CITED2: variants seen among roughly 807,000 people sequenced by gnomAD.
The protein encoded by CITED2 is cbp/p300-interacting transactivator 2.
Under a neutral mutation model 11.8 loss-of-function variants are expected in CITED2, and 2 were observed. That is an observed-to-expected ratio of 0.17 (90% CI 0.07 to 0.54). CITED2 has a LOEUF of 0.54. Ranked by LOEUF, CITED2 falls within the 20% of genes least tolerant of loss-of-function variation. CITED2 has a pLI of 0.94. For missense variants in CITED2, 437 were observed against 390.2 expected (o/e 1.12, Z -1.01); for synonymous variants, 210 against 153.0 (o/e 1.37, Z -2.75).
At position 139,371,823 on chromosome 6, in the gene CITED2, T is replaced by C. The variant is rs1778246345; in HGVS notation, c.*1309A>G. ...CACTGGAGATAAAGGTAGATTTATA[T>C]TTAATGCCACCCATCAATCAATCAG... On this transcript the variant is annotated 3_prime_UTR_variant, in exon 2 of 2. Transcript: ENST00000367651. 6.6e-6 allele frequency: 1 copy of C among 152,196 alleles called. No homozygotes were observed. Among genetic ancestry groups the C allele is most frequent in the Non-Finnish European group, 1.5e-5 (1 of 68,022 alleles). The allele number at this position is 152,196 out of a possible 1,614,324, so 9.4% of individuals were successfully genotyped here. A position where few individuals can be genotyped will look rare whatever the true frequency, so the allele number is the denominator to read the frequency against.
In CITED2 at chr6:139,373,373, TTGCTGC is replaced by T; in HGVS notation, c.566_571del (p.Ser189_Ser190del). ...GCCGCTGCCGCTGCCGCCGCCGCTG[TTGCTGC>T]TGCCCGCGCCGCCGCCCGAGCTGCT... On this transcript the variant is annotated inframe_deletion, in exon 2 of 2. Transcript: ENST00000367651. 2 of 1,588,898 alleles carry T rather than the reference TTGCTGC, an allele frequency of 1.3e-6. No individual in the cohort carries two copies. The highest frequency in any genetic ancestry group is 1.7e-6 in the Non-Finnish European group (2 of 1,169,344).
Position 139,373,386 on chromosome 6 carries a change from C to T in CITED2, c.559G>A (p.Ala187Thr). The T allele has an allele frequency of 1.3e-6, 2 of 1,568,526 alleles. No individual in the cohort carries two copies. Among genetic ancestry groups the T allele is most frequent in the East Asian group, 2.4e-5 (1 of 41,884 alleles). Residue 187 changes from alanine to threonine, a missense_variant, in exon 2 of 2, where the codon GCG (alanine) becomes ACG (threonine). This residue lies in a region of CITED2 where 396 missense variants were observed against 325.2 expected (regional missense o/e 1.22). Transcript: ENST00000367651. ...CCGCCGCCGCTGTTGCTGCTGCCCG[C>T]GCCGCCGCCCGAGCTGCTGCCAGAG... is the stretch of plus-strand genomic sequence containing the variant. Reference protein sequence around the residue: ...GGSGSSSGGGAGSSNSGGGSG... With the variant: ...GGSGSSSGGGTGSSNSGGGSG...
chr6:139,373,618 G>C lies in CITED2; in HGVS notation c.327C>G (p.Ser109=). 1 of 1,613,988 alleles carries C rather than the reference G, an allele frequency of 6.2e-7. No homozygotes were observed. The highest frequency in any genetic ancestry group is 8.5e-7 in the Non-Finnish European group (1 of 1,179,942). ...TCTGCAGCTGCATGCTGGCCGGCAGGGAGCCTCCCTGGCTGGCCACCGGGG... is the reference window on the plus strand; with the variant it reads ...TCTGCAGCTGCATGCTGGCCGGCAGCGAGCCTCCCTGGCTGGCCACCGGGG... The part of the protein sequence containing the change: ...MGPPVASQGG[S]LPASMQLQKL... The change falls in exon 2 of 2, where the codon TCC becomes TCG. Residue 109 remains serine (S), a synonymous_variant. Transcript: ENST00000367651.
At position 139,373,864 on chromosome 6, in the gene CITED2, G is replaced by A. The variant is rs142329030; in HGVS notation, c.81C>T (p.Arg27=). 1 of 1,603,422 alleles carries A rather than the reference G, an allele frequency of 6.2e-7. No homozygotes were observed. Among genetic ancestry groups the A allele is most frequent in the African/African-American group, 1.3e-5 (1 of 75,040 alleles). The change falls in exon 2 of 2, where the codon CGC becomes CGT. Residue 27 remains arginine, a synonymous_variant. Transcript: ENST00000367651. ...GGCTCGGGAACTGCCCCATGCCCATGCGGTGGGCAGGGTGATGGTGCAGCC... is the reference window on the plus strand; with the variant it reads ...GGCTCGGGAACTGCCCCATGCCCATACGGTGGGCAGGGTGATGGTGCAGCC... The part of the protein sequence containing the change: ...TNGLHHHPAH[R]MGMGQFPSPH...
chr6:139,372,967 A>T lies in CITED2; in HGVS notation c.*165T>A, dbSNP rs1257766173. 8.0e-6 allele frequency: 6 copies of T among 749,926 alleles called. No homozygotes were observed. Among genetic ancestry groups the T allele is most frequent in the East Asian group, 5.3e-5 (2 of 37,492 alleles). 46.5% of individuals were successfully genotyped at this position (749,926 alleles called of 1,614,324 possible). On this transcript the variant is annotated 3_prime_UTR_variant, in exon 2 of 2. Transcript: ENST00000367651. ...AAAACAGGAAAAAAAAGTGGCAGCA[A>T]TTTTTTTTAAAACCAATTTGTACAA...
In CITED2 at chr6:139,372,910, T is replaced by A; in HGVS notation, c.*222A>T. On this transcript the variant is annotated 3_prime_UTR_variant, in exon 2 of 2. Coordinates refer to ENST00000367651, the MANE Select transcript of CITED2 (RefSeq NM_006079.5). ...AGATATTTCAACTACATAAGGGAGG[T>A]GGGTGAATGTCAAGGCTACAAAAAC... is the stretch of plus-strand genomic sequence containing the variant. 5.1e-6 allele frequency: 3 copies of A among 590,356 alleles called. No homozygotes were observed. Among genetic ancestry groups the A allele is most frequent in the East Asian group, 2.9e-5 (1 of 34,678 alleles). 36.6% of individuals were successfully genotyped at this position (590,356 alleles called of 1,614,324 possible). A position where few individuals can be genotyped will look rare whatever the true frequency, so the allele number is the denominator to read the frequency against.
In CITED2 at chr6:139,373,343, ATGTTGCCGCTGCCGCTGCCGCCGCCGC is replaced by A. The variant is rs775934357; in HGVS notation, c.575_601del (p.Ser192_Asn200del). The A allele has an allele frequency of 5.0e-6, 8 of 1,598,208 alleles. No individual in the cohort carries two copies. Among genetic ancestry groups the A allele is most frequent in the African/African-American group, 1.4e-5 (1 of 73,642 alleles). ...GGGGACGTGGGCCACGGAGGCGGGCATGTTGCCGCTGCCGCTGCCGCCGCCGCTGTTGCTGCTGCCCGCGCCGCCGCC... is the reference window on the plus strand; with the variant it reads ...GGGGACGTGGGCCACGGAGGCGGGCATGTTGCTGCTGCCCGCGCCGCCGCC... On this transcript the variant is annotated inframe_deletion, in exon 2 of 2. Coordinates refer to ENST00000367651, the MANE Select transcript of CITED2 (RefSeq NM_006079.5).
In CITED2 at chr6:139,373,938, C is replaced by G. The variant is rs1181572338; in HGVS notation, c.7G>C (p.Asp3His). MA[D>H]HMMAMNHGRF... ...CCGTGGTTCATGGCCATCATATGGT[C>G]TGCCATTTCCAGTCCTGGAAGTGAA... Residue 3 changes from aspartate to histidine, a missense_variant, in exon 2 of 2, where the codon GAC becomes CAC. Coordinates refer to ENST00000367651, the MANE Select transcript of CITED2 (RefSeq NM_006079.5). 6.3e-7 allele frequency: 1 copy of G among 1,598,584 alleles called. No homozygotes were observed. Among genetic ancestry groups the G allele is most frequent in the East Asian group, 2.2e-5 (1 of 44,856 alleles).
chr6:139,374,102 C>T, intron 1 of CITED2, 150 bp from the exon 2 acceptor site: 1 of 1,506,032 alleles, frequency 6.6e-7, no homozygotes, highest in Non-Finnish European at 8.9e-7. Flanking sequence ...ACAGCCTGTG[C>T]ACCCGGGCTA....
At chr6:139,374,071 A>G (rs1778325222) in intron 1 of CITED2, 119 bp from the exon 2 acceptor site, 1 of 1,523,386 alleles carries the variant, frequency 6.6e-7, no homozygotes, top group African/African-American at 1.4e-5. Context: ...GCTGCGAACC[A>G]CCACCCCCAA....
Position 139,374,496 on chromosome 6 carries a change from C to G in CITED2, c.-92G>C, listed in dbSNP as rs1473069341. 6 of 256,006 alleles carry G rather than the reference C, an allele frequency of 2.3e-5. No individual in the cohort carries two copies. The highest frequency in any genetic ancestry group is 1.6e-4 in the Admixed American group (3 of 18,932). The allele number at this position is 256,006 out of a possible 1,614,324, so 15.9% of individuals were successfully genotyped here. A position where few individuals can be genotyped will look rare whatever the true frequency, so the allele number is the denominator to read the frequency against. On this transcript the variant is annotated 5_prime_UTR_variant, in exon 1 of 2. Coordinates refer to ENST00000367651, the MANE Select transcript of CITED2 (RefSeq NM_006079.5). ...CGGCTCAGCAGCACATAGAGGGGAC[C>G]TTCCTGGCGTGCAAAGCGCTTCGCT...
rs773975179 is a variant in CITED2, at chr6:139,373,109, C to T, written c.*23G>A. On this transcript the variant is annotated 3_prime_UTR_variant, in exon 2 of 2. Transcript: ENST00000367651. ...GCCGAAGAAGTTGGGGGTTTGATTTCTTTCGCCGGGGTTTCGATCGAGTCA... is the reference window on the plus strand; with the variant it reads ...GCCGAAGAAGTTGGGGGTTTGATTTTTTTCGCCGGGGTTTCGATCGAGTCA... 2 of 1,607,968 alleles carry T rather than the reference C, an allele frequency of 1.2e-6. No homozygotes were observed. The highest frequency in any genetic ancestry group is 1.7e-6 in the Non-Finnish European group (2 of 1,174,448).
At position 139,373,468 on chromosome 6, in the gene CITED2, C is replaced by T. The variant is rs1232686892; in HGVS notation, c.477G>A (p.Lys159=). 9 of 1,599,386 alleles carry T rather than the reference C, an allele frequency of 5.6e-6. No homozygotes were observed. The highest frequency in any genetic ancestry group is 6.8e-6 in the Non-Finnish European group (8 of 1,172,098). ...TNQHFRDCNP[K]HSGGSSTPGG... ...CGGGGGTGCTGCTGCCGCCGCTGTG[C>T]TTGGGGTTGCAATCTCGGAAGTGCT... The change falls in exon 2 of 2, where the codon AAG becomes AAA. Residue 159 remains lysine (K), a synonymous_variant. Transcript: ENST00000367651.
rs761568919 is a variant in CITED2 at position 139,373,670 on chromosome 6, C to T, written c.275G>A (p.Arg92Lys). ...ACCCATGAACTGGGAGTTGTTAAAC[C>T]TGGCCGCGGGGGCCAGCGCGCTCGG... ...HPPSALAPAA[R>K]FNNSQFMGPP... Residue 92 changes from arginine to lysine, a missense_variant, in exon 2 of 2, where the codon AGG becomes AAG. By Grantham distance (26) the Arg-to-Lys change is conservative. Coordinates refer to ENST00000367651, the MANE Select transcript of CITED2 (RefSeq NM_006079.5). 2 of 1,612,834 alleles carry T rather than the reference C, an allele frequency of 1.2e-6. No homozygotes were observed. The highest frequency in any genetic ancestry group is 1.1e-5 in the South Asian group (1 of 91,046).
In CITED2 at chr6:139,373,849, C is replaced by G. The variant is rs781381009; in HGVS notation, c.96G>C (p.Gln32His). The change falls in exon 2 of 2, where the codon CAG (glutamine) becomes CAC (histidine). Residue 32 changes from glutamine to histidine, a missense_variant. By Grantham distance (24) the Gln-to-His change is conservative (BLOSUM62 0). This residue lies in a region of CITED2 where 396 missense variants were observed against 325.2 expected (regional missense o/e 1.22). Coordinates refer to ENST00000367651, the MANE Select transcript of CITED2 (RefSeq NM_006079.5). ...HHPAHRMGMG[Q>H]FPSPHHHQQQ... ...GCTGGTGGTGATGGGGGCTCGGGAA[C>G]TGCCCCATGCCCATGCGGTGGGCAG... 3.1e-6 allele frequency: 5 copies of G among 1,605,126 alleles called. No individual in the cohort carries two copies. Among genetic ancestry groups the G allele is most frequent in the South Asian group, 1.1e-5 (1 of 91,074 alleles).
rs779143757 is a variant in CITED2, at chr6:139,373,708, G to A, written c.237C>T (p.Asn79=). The A allele has an allele frequency of 1.2e-5, 20 of 1,610,650 alleles. No individual in the cohort carries two copies. The highest frequency in any genetic ancestry group is 2.2e-5 in the South Asian group (2 of 91,066). ...IRHAMGPGTV[N]GGHPPSALAP... Reference sequence around the variant, plus strand: ...CCAGCGCGCTCGGGGGGTGCCCTCCGTTCACAGTCCCCGGCCCCATCGCAT... The same window carrying A: ...CCAGCGCGCTCGGGGGGTGCCCTCCATTCACAGTCCCCGGCCCCATCGCAT... The change falls in exon 2 of 2, where the codon AAC becomes AAT. Residue 79 remains asparagine (N), a synonymous_variant. Coordinates refer to ENST00000367651, the MANE Select transcript of CITED2 (RefSeq NM_006079.5).
At position 139,372,553 on chromosome 6, in the gene CITED2, A is replaced by G. The variant is rs548287840; in HGVS notation, c.*579T>C. ...GGGGACAGCCAACTTGAAAGTGAACAGTATGACTTTCCTGATCCAGAACAG... is the reference window on the plus strand; with the variant it reads ...GGGGACAGCCAACTTGAAAGTGAACGGTATGACTTTCCTGATCCAGAACAG... On this transcript the variant is annotated 3_prime_UTR_variant, in exon 2 of 2. Transcript: ENST00000367651. 21 of 160,958 alleles carry G rather than the reference A, an allele frequency of 1.3e-4. No individual in the cohort carries two copies. In the South Asian group the frequency reaches 3.4e-3, roughly 26 times the overall value. The allele number at this position is 160,958 out of a possible 1,614,324, so 10.0% of individuals were successfully genotyped here.
In CITED2 at chr6:139,373,639, C is replaced by T; in HGVS notation, c.306G>A (p.Pro102=). 2 of 1,613,786 alleles carry T rather than the reference C, an allele frequency of 1.2e-6. No homozygotes were observed. The highest frequency in any genetic ancestry group is 1.7e-6 in the Non-Finnish European group (2 of 1,179,896). The change falls in exon 2 of 2, where the codon CCG becomes CCA. Residue 102 remains proline (P), a synonymous_variant. Coordinates refer to ENST00000367651, the MANE Select transcript of CITED2 (RefSeq NM_006079.5). ...GCAGGGAGCCTCCCTGGCTGGCCAC[C>T]GGGGGACCCATGAACTGGGAGTTGT... The part of the protein sequence containing the change: ...RFNNSQFMGP[P]VASQGGSLPA...
At position 139,373,489 on chromosome 6, in the gene CITED2, G is replaced by A; in HGVS notation, c.456C>T (p.His152=). Residue 152 remains histidine, a synonymous_variant, in exon 2 of 2, where the codon CAC becomes CAT. Coordinates refer to ENST00000367651, the MANE Select transcript of CITED2 (RefSeq NM_006079.5). The part of the protein sequence containing the change: ...AGHQMNGTNQ[H]FRDCNPKHSG... Reference sequence around the variant, plus strand: ...TGTGCTTGGGGTTGCAATCTCGGAAGTGCTGGTTTGTCCCGTTCATCTGGT... The same window carrying A: ...TGTGCTTGGGGTTGCAATCTCGGAAATGCTGGTTTGTCCCGTTCATCTGGT... 2.5e-6 allele frequency: 4 copies of A among 1,609,748 alleles called. No homozygotes were observed. The highest frequency in any genetic ancestry group is 3.4e-6 in the Non-Finnish European group (4 of 1,177,300).
Sources: gnomAD v4.1 joint callset for allele counts on GRCh38, gnomAD v4.1.1 for gene constraint, gnomAD v4.1.1 regional missense constraint, MANE v1.5 for transcripts, NCBI Gene and HGNC (gene_info 2026-07-23, HGNC 2026-07-21) for gene names.